Variants in HEATR5A observed in about 807,000 individuals in gnomAD.
HEATR5A encodes the protein HEAT repeat-containing protein 5A.
In HEATR5A, 178 loss-of-function variants were observed where a neutral mutation model predicts 218.8. The ratio of observed to expected loss-of-function variants is 0.81; its 90% CI spans 0.72 to 0.92. The LOEUF is 0.92. Among genes scored for constraint, HEATR5A ranks in the 40% least tolerant of loss-of-function variants. HEATR5A has a pLI of 0.00. For missense variants in HEATR5A, 2,420 were observed against 2,418.9 expected (o/e 1.00, Z -0.01); for synonymous variants, 864 against 871.6 (o/e 0.99, Z 0.15).
chr14:31,358,726 C>T lies in HEATR5A; in HGVS notation c.2322G>A (p.Val774=). ...IYEKDVEGDS[V]PKPLPPALSV... is the part of the protein sequence containing the mutation. The stretch of plus-strand genomic sequence containing the variant: ...ATAGTGCTGGAGGTAAGGGCTTAGG[C>T]ACTGAATCTCCCTCTACATCTTTCT... Residue 774 remains valine (V), a synonymous_variant, in exon 16 of 36, where the codon GTG becomes GTA. Coordinates refer to ENST00000543095, the MANE Select transcript of HEATR5A (RefSeq NM_015473.4). 1 of 1,613,898 alleles carries T rather than the reference C, an allele frequency of 6.2e-7. No homozygotes were observed. Among genetic ancestry groups the T allele is most frequent in the Middle Eastern group, 1.6e-4 (1 of 6,062 alleles).
rs544554137 is a variant in HEATR5A at position 31,323,743 on chromosome 14, A to G, written c.3609T>C (p.Asp1203=). The G allele has an allele frequency of 4.3e-6, 7 of 1,611,336 alleles. No individual in the cohort carries two copies. In the East Asian group the frequency reaches 1.3e-4, roughly 31 times the overall value. The part of the protein sequence containing the change: ...MQEEEGDKGD[D]ASVLTTRRDE... ...CACGTCTGGTGGTCAGGACTGAGGC[A>G]TCATCCCCTTTATCTCCTTCTTCTT... Residue 1203 remains aspartate, a synonymous_variant, in exon 24 of 36, where the codon GAT becomes GAC. Coordinates refer to ENST00000543095, the MANE Select transcript of HEATR5A (RefSeq NM_015473.4).
At chr14:31,411,236 A>G (rs2031261218) in intron 1 of HEATR5A, among the ~76,000 whole-genome samples, 1 of 152,170 alleles carries the variant, frequency 6.6e-6, no homozygotes, top group East Asian at 1.9e-4. Context: ...GAAAAAGGAA[A>G]ATATAAGTAT....
intron 27 of HEATR5A, among the ~76,000 whole-genome samples, chr14:31,313,614 T>C (rs557644523): frequency 1.4e-3 from 219 of 152,298 alleles, no homozygotes; most frequent in East Asian, 6.4e-3. Context: ...AGATTTAATA[T>C]GGATTATAGA....
chr14:31,388,981 C>G lies in HEATR5A; in HGVS notation c.797G>C (p.Arg266Thr), dbSNP rs61754288. Residue 266 changes from arginine to threonine, a missense_variant, in exon 7 of 36, where the codon AGA (arginine) becomes ACA (threonine). Physicochemically the swap from Arg to Thr is moderately conservative, Grantham distance 71. Coordinates refer to ENST00000543095, the MANE Select transcript of HEATR5A (RefSeq NM_015473.4). ...TTCCAGAACTTCCTCCAAAGATACT[C>G]TGCGAATGCTTTGACGTGAGGCTGC... ...GTAASRQSIR[R>T]VSLEEVLELL... 3.1e-6 allele frequency: 5 copies of G among 1,612,734 alleles called. No individual in the cohort carries two copies. Among genetic ancestry groups the G allele is most frequent in the Non-Finnish European group, 4.2e-6 (5 of 1,179,274 alleles).
chr14:31,343,608 A>G (rs1900914734), intron 21 of HEATR5A, among the ~76,000 whole-genome samples: 1 of 152,214 alleles, frequency 6.6e-6, no homozygotes. Flanking sequence ...CAGCATTTAT[A>G]TAGTACATGG....
intron 11 of HEATR5A, among the ~76,000 whole-genome samples, chr14:31,377,433 C>G (rs1020415368): frequency 6.6e-6 from 1 of 151,866 alleles, no homozygotes; most frequent in Admixed American, 6.6e-5. Context: ...AAAAACCTCA[C>G]TGGTCCCCCC....
intron 1 of HEATR5A, among the ~76,000 whole-genome samples, chr14:31,419,097 T>C (rs1269812471): frequency 6.6e-6 from 1 of 152,190 alleles, no homozygotes; most frequent in African/African-American, 2.4e-5. Context: ...CATCCATAAA[T>C]AGTGGAGGGA....
chr14:31,302,452 C>T lies in HEATR5A; in HGVS notation c.5307G>A (p.Lys1769=), dbSNP rs2139131472. The T allele has an allele frequency of 6.3e-7, 1 of 1,598,058 alleles. No homozygotes were observed. The highest frequency in any genetic ancestry group is 8.5e-7 in the Non-Finnish European group (1 of 1,171,540). The part of the protein sequence containing the change: ...TIGVLRETAV[K]LPGGQLSSTV... ...TCGAAGATAACTGGCCCCCAGGTAA[C>T]TTCACAGCAGTCTCTCTGAGGACCC... Residue 1769 remains lysine, a synonymous_variant, in exon 33 of 36, where the codon AAG becomes AAA. Coordinates refer to ENST00000543095, the MANE Select transcript of HEATR5A (RefSeq NM_015473.4).
intron 25 of HEATR5A, among the ~76,000 whole-genome samples, chr14:31,321,062 C>T (rs552277720): frequency 6.6e-6 from 1 of 152,090 alleles, no homozygotes; most frequent in Non-Finnish European, 1.5e-5. Context: ...GATCCTCCCC[C>T]CTTTCTTCCC....
chr14:31,401,742 T>C (rs575932349), intron 2 of HEATR5A, among the ~76,000 whole-genome samples: 3 of 152,366 alleles, frequency 2.0e-5, no homozygotes, highest in African/African-American at 7.2e-5. Context: ...CTCCCTCATA[T>C]ATAGCTGCAT....
At position 31,386,501 on chromosome 14, in the gene HEATR5A, C is replaced by T; in HGVS notation, c.1264G>A (p.Val422Ile). ...TTTCCAAGTTCTTGTAAAGCACAAA[C>T]CAGCATATGTTGGCTAGCGGCTACA... ...TDVAASQHML[V>I]CALQELGNLI... Residue 422 changes from valine (V) to isoleucine (I), a missense_variant, in exon 9 of 36, where the codon GTT (valine) becomes ATT (isoleucine). Val to Ile is a conservative substitution (Grantham distance 29, BLOSUM62 3). Coordinates refer to ENST00000543095, the MANE Select transcript of HEATR5A (RefSeq NM_015473.4). 1 of 1,612,838 alleles carries T rather than the reference C, an allele frequency of 6.2e-7. No homozygotes were observed. Among genetic ancestry groups the T allele is most frequent in the East Asian group, 2.2e-5 (1 of 44,866 alleles).
chr14:31,411,594 T>C (rs1210144396), intron 1 of HEATR5A, among the ~76,000 whole-genome samples: 1 of 152,182 alleles, frequency 6.6e-6, no homozygotes, highest in African/African-American at 2.4e-5. Context: ...AATGCCTCGT[T>C]GTCAGTTTTC....
intron 32 of HEATR5A, among the ~76,000 whole-genome samples, chr14:31,303,612 TGTAGGACAGATAC>T (rs1236343394): frequency 6.6e-6 from 1 of 152,174 alleles, no homozygotes; most frequent in Non-Finnish European, 1.5e-5. Context: ...ATAATGCCTC[TGTAGGACAGATAC>T]AAGCTACAGA....
intron 2 of HEATR5A, 135 bp downstream of exon 2, chr14:31,402,715 A>G: frequency 1.3e-6 from 1 of 776,762 alleles, no homozygotes; most frequent in Non-Finnish European, 1.9e-6. Flanking sequence ...AAAATGTAAT[A>G]TACTTCATTA....
At chr14:31,317,081 C>CA (rs1336394311) in intron 26 of HEATR5A, among the ~76,000 whole-genome samples, 4 of 152,120 alleles carry the variant, frequency 2.6e-5, no homozygotes, top group Non-Finnish European at 5.9e-5. Flanking sequence ...AAGTGGCTTA[C>CA]AGCAAGAACA....
rs1470080630 is a variant in HEATR5A, at chr14:31,388,080, ACT to A, written c.934-707_934-706del. Among the ~76,000 whole-genome samples, 6 of 152,172 alleles carry A rather than the reference ACT, an allele frequency of 3.9e-5. No individual in the cohort carries two copies. The East Asian group carries it at 1.2e-3, about 29-fold the overall frequency. ...GAATTAACTATGCTCCAACATTATA[ACT>A]CTAAGGAAATTTAGTTCTTTATTTT... is the stretch of plus-strand genomic sequence containing the variant. On this transcript the variant is annotated intron_variant, in intron 7 of 35. Coordinates refer to ENST00000543095, the MANE Select transcript of HEATR5A (RefSeq NM_015473.4).
At chr14:31,345,066 C>T (rs1415073236) in intron 20 of HEATR5A, 21 bp downstream of exon 20, 1 of 1,579,376 alleles carries the variant, frequency 6.3e-7, no homozygotes, top group Admixed American at 2.0e-5. Flanking sequence ...TGTAAAACAT[C>T]ACAAAAGCAG....
intron 22 of HEATR5A, among the ~76,000 whole-genome samples, chr14:31,330,684 G>A (rs1178796391): frequency 1.3e-5 from 2 of 151,656 alleles, no homozygotes; most frequent in Admixed American, 6.6e-5. Context: ...CCAGCTATTC[G>A]GGAGGCTGAG....
intron 21 of HEATR5A, among the ~76,000 whole-genome samples, chr14:31,343,196 G>A (rs991082794): frequency 2.6e-5 from 4 of 151,756 alleles, no homozygotes; most frequent in African/African-American, 4.8e-5. Flanking sequence ...GGGTTCAAGC[G>A]ATTCTCCTGG....
Sources: allele counts gnomAD v4.1 joint callset (sites outside exome capture counted in the v4.1 genomes callset), GRCh38; gene constraint gnomAD v4.1.1; transcripts MANE v1.5; gene names NCBI Gene and HGNC (gene_info 2026-07-23, HGNC 2026-07-21).